The following EGFL6 variants were observed in gnomAD, a reference collection of about 807,000 sequenced individuals.
EGFL6 encodes the protein EGF like domain multiple 6.
A neutral mutation model predicts 43.1 loss-of-function variants in EGFL6; 42 were observed. The ratio of observed to expected loss-of-function variants is 0.98; its 90% CI spans 0.76 to 1.26. The LOEUF is 1.26. EGFL6 is among the 50% of genes most tolerant of loss of function. The pLI is 0.00. For missense variants in EGFL6, 429 were observed against 427.8 expected, an observed-to-expected ratio of 1.00 and a Z score of -0.02; for synonymous variants, 164 against 163.2, an observed-to-expected ratio of 1.01 and a Z score of -0.04.
At chrX:13,623,385 T>TG (rs2045760275) in intron 9 of EGFL6, among the ~76,000 whole-genome samples, 3 of 69,149 alleles carry the variant, frequency 4.3e-5, no homozygotes, top group African/African-American at 1.7e-4. Context: ...GGGTTTTTTT[T>TG]TTTTTTTTTT....
chrX:13,588,080 T>G (rs747673138), intron 1 of EGFL6, among the ~76,000 whole-genome samples: 27 of 112,345 alleles, frequency 2.4e-4, no homozygotes, highest in African/African-American at 7.8e-4. Flanking sequence ...TGTGTAGAAG[T>G]TGAGAAACCC....
chrX:13,587,241 A>G (rs1303298212), intron 1 of EGFL6, among the ~76,000 whole-genome samples: 2 of 112,634 alleles, frequency 1.8e-5, no homozygotes, highest in Non-Finnish European at 3.8e-5. Flanking sequence ...ATTATATCTC[A>G]ATTTTTAAAA....
chrX:13,611,965 T>C (rs2045690755), intron 7 of EGFL6, among the ~76,000 whole-genome samples: 1 of 112,194 alleles, frequency 8.9e-6, no homozygotes, highest in Non-Finnish European at 1.9e-5. Flanking sequence ...TAAACAGCCA[T>C]GTTACTATTG....
intron 5 of EGFL6, among the ~76,000 whole-genome samples, chrX:13,604,412 C>T (rs1009274133): frequency 9.0e-6 from 1 of 111,069 alleles, no homozygotes; most frequent in African/African-American, 3.3e-5. Context: ...GGATATTCAT[C>T]CACCAACTTC....
At chrX:13,600,177 C>A in intron 4 of EGFL6, 83 bp downstream of exon 4, 1 of 999,602 alleles carries the variant, frequency 1.0e-6, no homozygotes, top group Non-Finnish European at 1.3e-6. Context: ...AAGCTGACTT[C>A]AGTGATTTTT....
At chrX:13,632,221 A>T (rs1236319874) in intron 11 of EGFL6, among the ~76,000 whole-genome samples, 1 of 110,561 alleles carries the variant, frequency 9.0e-6, no homozygotes, top group Non-Finnish European at 1.9e-5. Context: ...GTCTCAAAAA[A>T]AAAAAGAAAA....
rs975886023 is a variant in EGFL6 at position 13,617,499 on chromosome X, C to T, written c.779-231C>T. 7.2e-5 allele frequency among the ~76,000 whole-genome samples: 8 copies of T among 111,796 alleles called. No homozygotes were observed. In the East Asian group the frequency reaches 1.4e-3, roughly 19 times the overall value. ...ATAAGTGTTTCACTAAAGTGGTCTC[C>T]GAAGCAAAACAAAAGCAACAAAAGG... On this transcript the variant is annotated intron_variant, in intron 7 of 11. Transcript: ENST00000361306.
intron 11 of EGFL6, among the ~76,000 whole-genome samples, chrX:13,632,599 C>T (rs1209861554): frequency 9.0e-6 from 1 of 110,855 alleles, no homozygotes; most frequent in Non-Finnish European, 1.9e-5. Context: ...CCACCGTGCC[C>T]GGCCTTGACT....
intron 3 of EGFL6, among the ~76,000 whole-genome samples, chrX:13,598,929 A>G (rs1459542785): frequency 9.6e-6 from 1 of 104,657 alleles, no homozygotes; most frequent in Non-Finnish European, 1.9e-5. Context: ...TATATAATTC[A>G]CATATATATA....
intron 1 of EGFL6, among the ~76,000 whole-genome samples, chrX:13,581,128 T>C (rs756029631): frequency 8.9e-6 from 1 of 112,052 alleles, no homozygotes; most frequent in Non-Finnish European, 1.9e-5. Context: ...CTCCTGAGCT[T>C]GGAAGATAAA....
At position 13,573,958 on chromosome X, in the gene EGFL6, CT is replaced by C. The variant is rs986082840; in HGVS notation, c.74+4026del. Reference sequence around the variant, plus strand: ...GTGCTCCATCCACCCAGTACCACCACTTTCCTTTCTAAGTTTGCATTTTCTC... The same window carrying C: ...GTGCTCCATCCACCCAGTACCACCACTTCCTTTCTAAGTTTGCATTTTCTC... On this transcript the variant is annotated intron_variant, in intron 1 of 11. Coordinates refer to ENST00000361306, the MANE Select transcript of EGFL6 (RefSeq NM_015507.4). Among the ~76,000 whole-genome samples, 3 of 112,529 alleles carry C rather than the reference CT, an allele frequency of 2.7e-5. No individual in the cohort carries two copies. In the Admixed American group the frequency reaches 2.8e-4, roughly 11 times the overall value.
intron 1 of EGFL6, among the ~76,000 whole-genome samples, chrX:13,577,970 G>A (rs1327582935): frequency 1.8e-5 from 2 of 110,545 alleles, no homozygotes; most frequent in African/African-American, 6.8e-5. Context: ...AATTATTAAG[G>A]TAATGAGCTA....
chrX:13,605,689 A>G (rs2045656580), intron 5 of EGFL6, among the ~76,000 whole-genome samples: 1 of 112,249 alleles, frequency 8.9e-6, no homozygotes, highest in Admixed American at 9.5e-5. Flanking sequence ...TTGACATCTG[A>G]AAGTTAAACC....
chrX:13,608,756 G>A (rs1011297347), intron 7 of EGFL6, among the ~76,000 whole-genome samples: 1 of 112,563 alleles, frequency 8.9e-6, no homozygotes, highest in African/African-American at 3.2e-5. Flanking sequence ...AAAAGACACT[G>A]AGCAAATTTA....
chrX:13,625,415 G>A (rs2045773127), intron 10 of EGFL6, among the ~76,000 whole-genome samples: 1 of 111,356 alleles, frequency 9.0e-6, no homozygotes, highest in African/African-American at 3.3e-5. Context: ...GCTCATGTAT[G>A]TAATCCCAGC....
At chrX:13,600,909 G>T (rs139838466) in intron 4 of EGFL6, among the ~76,000 whole-genome samples, 1,614 of 109,044 alleles carry the variant, frequency 0.015, 33 homozygotes, top group African/African-American at 0.052. Flanking sequence ...CACCCCTATC[G>T]AGTTCCAGAA....
intron 4 of EGFL6, among the ~76,000 whole-genome samples, chrX:13,603,069 C>T (rs964106234): frequency 9.0e-6 from 1 of 111,408 alleles, no homozygotes; most frequent in African/African-American, 3.3e-5. Flanking sequence ...CATGCTCTGC[C>T]TAAAGACAGT....
At chrX:13,570,636 G>A (rs1455422948) in intron 1 of EGFL6, among the ~76,000 whole-genome samples, 1 of 111,889 alleles carries the variant, frequency 8.9e-6, no homozygotes, top group East Asian at 2.8e-4. Context: ...GTAAATGCAC[G>A]CTTACATGGT....
intron 7 of EGFL6, among the ~76,000 whole-genome samples, chrX:13,612,615 G>A (rs1050920930): frequency 4.6e-5 from 5 of 109,230 alleles, no homozygotes; most frequent in Admixed American, 9.6e-5. Context: ...CTTCCCAGAC[G>A]GGGCGGCTGG....
Sources: gnomAD v4.1 joint callset for allele counts (sites outside exome capture counted in the v4.1 genomes callset) on GRCh38, gnomAD v4.1.1 for gene constraint, MANE v1.5 for transcripts, NCBI Gene and HGNC (gene_info 2026-07-23, HGNC 2026-07-21) for gene names.